Variants in CNTN4 observed in about 807,000 individuals in gnomAD.
The protein encoded by CNTN4 is contactin-4.
A neutral mutation model predicts 122.5 loss-of-function variants in CNTN4; 77 were observed. That is an observed-to-expected ratio of 0.63 (90% CI 0.52 to 0.76). The LOEUF (loss-of-function observed/expected upper bound fraction) is 0.76. Ranked by LOEUF, CNTN4 falls within the 30% of genes least tolerant of loss-of-function variation. The pLI is 0.00. For synonymous variants in CNTN4, 512 were observed against 447.0 expected (o/e 1.15, Z -1.83); for missense variants, 1,256 against 1,259.1 (o/e 1.00, Z 0.04).
intron 2 of CNTN4, among the ~76,000 whole-genome samples, chr3:2,158,931 C>G (rs996631061): frequency 6.6e-6 from 1 of 152,078 alleles, no homozygotes; most frequent in Non-Finnish European, 1.5e-5. Context: ...TCAGTGTAAG[C>G]ATCGTTGGTG....
chr3:2,950,152 A>G (rs1045865473), intron 13 of CNTN4, among the ~76,000 whole-genome samples: 2 of 152,206 alleles, frequency 1.3e-5, no homozygotes, highest in African/African-American at 4.8e-5. Flanking sequence ...ATTAAAATGG[A>G]TGTATCCCCT....
intron 5 of CNTN4, among the ~76,000 whole-genome samples, chr3:2,741,088 A>T (rs574694851): frequency 6.0e-4 from 91 of 152,344 alleles, no homozygotes; most frequent in African/African-American, 2.1e-3. Context: ...CATATAGACA[A>T]AGTATTTAAA....
chr3:2,626,171 T>G (rs1300058015), intron 4 of CNTN4, among the ~76,000 whole-genome samples: 1 of 152,194 alleles, frequency 6.6e-6, no homozygotes. Context: ...GAGCAGAAGC[T>G]CTTAATATTA....
At chr3:2,874,232 A>G (rs79852312) in intron 8 of CNTN4, among the ~76,000 whole-genome samples, 2,685 of 152,296 alleles carry the variant, frequency 0.018, 88 homozygotes, top group African/African-American at 0.061. Flanking sequence ...ACTCAGTTAG[A>G]AAGCATCTGT....
At chr3:2,657,788 A>G (rs1379052559) in intron 4 of CNTN4, among the ~76,000 whole-genome samples, 1 of 151,900 alleles carries the variant, frequency 6.6e-6, no homozygotes, top group Non-Finnish European at 1.5e-5. Flanking sequence ...ATATATGTTT[A>G]TAAGAAAGAT....
In CNTN4 at chr3:2,700,574, G is replaced by C. The variant is rs143953467; in HGVS notation, c.56-35641G>C. Reference sequence around the variant, plus strand: ...ACTCTTGATATATTTTTGCCTTGTAGAAATATTCATTTCTAAGTTGGTTTG... The same window carrying C: ...ACTCTTGATATATTTTTGCCTTGTACAAATATTCATTTCTAAGTTGGTTTG... On this transcript the variant is annotated intron_variant, in intron 4 of 24. Transcript: ENST00000418658. 3.6e-3 allele frequency among the ~76,000 whole-genome samples: 547 copies of C among 151,524 alleles called. 6 individuals carry two copies. The highest frequency in any genetic ancestry group is 0.013 in the African/African-American group (526 of 41,330).
intron 7 of CNTN4, among the ~76,000 whole-genome samples, chr3:2,852,593 C>T (rs1171466878): frequency 6.6e-6 from 1 of 152,110 alleles, no homozygotes; most frequent in Non-Finnish European, 1.5e-5. Flanking sequence ...TGCACGTGAT[C>T]CCCCAACCCT....
At chr3:2,410,312 A>G (rs2047183952) in intron 3 of CNTN4, among the ~76,000 whole-genome samples, 1 of 152,204 alleles carries the variant, frequency 6.6e-6, no homozygotes, top group Non-Finnish European at 1.5e-5. Flanking sequence ...AGAATTCTGT[A>G]AGAGTCATAG....
chr3:2,185,258 G>A (rs893040915), intron 2 of CNTN4, among the ~76,000 whole-genome samples: 2 of 152,024 alleles, frequency 1.3e-5, no homozygotes, highest in East Asian at 1.9e-4. Flanking sequence ...TCTTCTTTGG[G>A]GCAGAAATGG....
chr3:2,297,144 G>T (rs181166492), intron 2 of CNTN4, among the ~76,000 whole-genome samples: 2 of 152,202 alleles, frequency 1.3e-5, no homozygotes, highest in East Asian at 1.9e-4. Flanking sequence ...AATGTCAACC[G>T]TAATGTCTTT....
In CNTN4 at chr3:3,057,490, A is replaced by G. The variant is rs17600202; in HGVS notation, c.*1270A>G. The stretch of plus-strand genomic sequence containing the variant: ...AAAGAACTATTTGTTACAATGAGAA[A>G]GGTTTTGTGAGTAAACCCTACTGGA... On this transcript the variant is annotated 3_prime_UTR_variant, in exon 25 of 25. Coordinates refer to ENST00000418658, the MANE Select transcript of CNTN4 (RefSeq NM_175607.3). The G allele has an allele frequency of 0.089, 13,568 of 152,710 alleles. 753 individuals carry two copies. Among genetic ancestry groups the G allele is most frequent in the Admixed American group, 0.12 (1,895 of 15,298 alleles). 9.5% of individuals were successfully genotyped at this position (152,710 alleles called of 1,614,324 possible). A position where few individuals can be genotyped will look rare whatever the true frequency, so the allele number is the denominator to read the frequency against.
At chr3:2,679,230 TTAACAC>T (rs1367242047) in intron 4 of CNTN4, among the ~76,000 whole-genome samples, 1 of 152,186 alleles carries the variant, frequency 6.6e-6, no homozygotes, top group Admixed American at 6.5e-5. Context: ...TTAATTAAAT[TTAACAC>T]TAATCATTGG....
intron 2 of CNTN4, among the ~76,000 whole-genome samples, chr3:2,249,472 A>C (rs1483999833): frequency 1.3e-5 from 2 of 151,988 alleles, no homozygotes; most frequent in Non-Finnish European, 2.9e-5. Flanking sequence ...GAAAGTGAGC[A>C]GCTAGAAAGT....
At chr3:2,668,458 A>C (rs542608146) in intron 4 of CNTN4, among the ~76,000 whole-genome samples, 40 of 152,278 alleles carry the variant, frequency 2.6e-4, no homozygotes, top group Admixed American at 8.5e-4. Context: ...CTGAGACTTT[A>C]CTGAAGTTGC....
chr3:2,155,304 G>T (rs1272679123), intron 2 of CNTN4, among the ~76,000 whole-genome samples: 2 of 152,144 alleles, frequency 1.3e-5, no homozygotes, highest in Non-Finnish European at 2.9e-5. Context: ...TGATTGCAGA[G>T]GCTCTGTCTC....
At chr3:2,576,970 C>T (rs1474387393) in intron 4 of CNTN4, among the ~76,000 whole-genome samples, 1 of 152,144 alleles carries the variant, frequency 6.6e-6, no homozygotes, top group Non-Finnish European at 1.5e-5. Flanking sequence ...TAACCCCGTC[C>T]TTAGGGGCAG....
intron 3 of CNTN4, among the ~76,000 whole-genome samples, chr3:2,340,919 T>A (rs2044186897): frequency 6.6e-6 from 1 of 151,742 alleles, no homozygotes; most frequent in Non-Finnish European, 1.5e-5. Context: ...TCTTCTGATC[T>A]GGAACAGACT....
chr3:2,299,112 C>T (rs144005225), intron 2 of CNTN4, among the ~76,000 whole-genome samples: 1 of 151,958 alleles, frequency 6.6e-6, no homozygotes, highest in Non-Finnish European at 1.5e-5. Context: ...GTGCTAATAT[C>T]CAGTGAAATT....
chr3:2,470,631 C>T (rs1237014107), intron 3 of CNTN4, among the ~76,000 whole-genome samples: 1 of 152,172 alleles, frequency 6.6e-6, no homozygotes, highest in Non-Finnish European at 1.5e-5. Context: ...CAGACACTTA[C>T]ACCCCCACAA....
Sources: gnomAD v4.1 joint callset for allele counts (sites outside exome capture counted in the v4.1 genomes callset) on GRCh38, gnomAD v4.1.1 for gene constraint, MANE v1.5 for transcripts, NCBI Gene and HGNC (gene_info 2026-07-23, HGNC 2026-07-21) for gene names.